MBD5: variants seen among roughly 807,000 people sequenced by gnomAD.
The protein encoded by MBD5 is methyl-CpG binding domain protein 5, also known as methyl-CpG-binding domain protein 5.
Under a neutral mutation model 117.3 loss-of-function variants are expected in MBD5, and 13 were observed. The observed-to-expected ratio is 0.11, with a 90% CI of 0.07 to 0.18. The LOEUF (loss-of-function observed/expected upper bound fraction) is 0.18. MBD5 is among the 10% of genes least tolerant of loss of function. MBD5 has a pLI of 1.00. For synonymous variants in MBD5, 727 were observed against 766.4 expected, an observed-to-expected ratio of 0.95 and a Z score of 0.85; for missense variants, 1,879 against 2,093.8, an observed-to-expected ratio of 0.90 and a Z score of 2.00.
At chr2:148,485,997 T>C in intron 10 of MBD5, 47 bp downstream of exon 10, 1 of 1,573,598 alleles carries the variant, frequency 6.4e-7, no homozygotes, top group African/African-American at 1.3e-5. Context: ...ATGTCTGAGT[T>C]TGTTTAAATA....
At chr2:148,405,501 A>G (rs1000653936) in intron 4 of MBD5, among the ~76,000 whole-genome samples, 2 of 151,966 alleles carry the variant, frequency 1.3e-5, no homozygotes, top group African/African-American at 4.8e-5. Context: ...GCAGAAGCCA[A>G]AAGTCAAGAA....
At chr2:148,093,610 A>G (rs1695994384) in intron 1 of MBD5, among the ~76,000 whole-genome samples, 1 of 152,188 alleles carries the variant, frequency 6.6e-6, no homozygotes, top group Admixed American at 6.5e-5. Flanking sequence ...GTGATCTTGT[A>G]CTTTAAATGC....
chr2:148,298,614 GT>G (rs1701710680), intron 3 of MBD5, among the ~76,000 whole-genome samples: 1 of 152,204 alleles, frequency 6.6e-6, no homozygotes, highest in Admixed American at 6.5e-5. Context: ...CCAGAAGTGA[GT>G]CTGGGCTATT....
At chr2:148,114,061 A>G (rs1241874284) in intron 1 of MBD5, among the ~76,000 whole-genome samples, 1 of 152,208 alleles carries the variant, frequency 6.6e-6, no homozygotes, top group Non-Finnish European at 1.5e-5. Flanking sequence ...ATGATTATTT[A>G]AACAGCTTCC....
intron 4 of MBD5, among the ~76,000 whole-genome samples, chr2:148,457,328 A>G (rs1449872581): frequency 6.6e-6 from 1 of 152,140 alleles, no homozygotes; most frequent in Non-Finnish European, 1.5e-5. Context: ...AGTTTCATGA[A>G]TCCCACAATG....
intron 1 of MBD5, among the ~76,000 whole-genome samples, chr2:148,170,315 T>C (rs1329819038): frequency 4.6e-5 from 7 of 152,252 alleles, no homozygotes; most frequent in Non-Finnish European, 5.9e-5. Context: ...TCTGAATTAG[T>C]ACTAAGTAAT....
intron 4 of MBD5, among the ~76,000 whole-genome samples, chr2:148,406,514 C>G (rs929321183): frequency 3.3e-5 from 5 of 152,152 alleles, no homozygotes; most frequent in African/African-American, 1.2e-4. Context: ...ATAAGAGATA[C>G]CTTCCTAAAG....
chr2:148,263,595 G>A (rs905708817), intron 3 of MBD5, among the ~76,000 whole-genome samples: 36 of 152,124 alleles, frequency 2.4e-4, no homozygotes, highest in African/African-American at 8.2e-4. Flanking sequence ...TTCAAAGACC[G>A]GAAAAGTGGA....
intron 3 of MBD5, among the ~76,000 whole-genome samples, chr2:148,319,745 T>A (rs949052599): frequency 3.2e-4 from 49 of 152,310 alleles, no homozygotes; most frequent in Non-Finnish European, 3.5e-4. Flanking sequence ...TACCTTTTAT[T>A]TTTCTATGTT....
At chr2:148,222,107 C>T (rs770939743) in intron 2 of MBD5, among the ~76,000 whole-genome samples, 1 of 151,984 alleles carries the variant, frequency 6.6e-6, no homozygotes, top group Non-Finnish European at 1.5e-5. Context: ...TATTCTGTTC[C>T]GTTGGTCTAC....
chr2:148,187,512 A>G (rs1698694835), intron 2 of MBD5, among the ~76,000 whole-genome samples: 1 of 152,190 alleles, frequency 6.6e-6, no homozygotes. Context: ...ACCAAAACAT[A>G]TCATTTCTGA....
At chr2:148,123,952 G>T (rs1487064690) in intron 1 of MBD5, among the ~76,000 whole-genome samples, 1 of 152,130 alleles carries the variant, frequency 6.6e-6, no homozygotes, top group African/African-American at 2.4e-5. Context: ...TTTTTTAAAA[G>T]AAACTTTAAT....
chr2:148,397,236 A>G (rs1197123824), intron 4 of MBD5, among the ~76,000 whole-genome samples: 1 of 151,550 alleles, frequency 6.6e-6, no homozygotes, highest in East Asian at 1.9e-4. Context: ...AACTGATCAT[A>G]TGGTCAACGT....
At chr2:148,094,170 G>A (rs1696007298) in intron 1 of MBD5, among the ~76,000 whole-genome samples, 1 of 152,132 alleles carries the variant, frequency 6.6e-6, no homozygotes, top group African/African-American at 2.4e-5. Context: ...CTAACTGAAT[G>A]TATATTGTTA....
intron 1 of MBD5, among the ~76,000 whole-genome samples, chr2:148,058,912 T>G (rs532930757): frequency 2.6e-5 from 4 of 152,340 alleles, no homozygotes; most frequent in Admixed American, 2.6e-4. Flanking sequence ...TCAGAACTTC[T>G]TTTGGCTATC....
chr2:148,195,663 A>G (rs893877976), intron 2 of MBD5, among the ~76,000 whole-genome samples: 2 of 152,184 alleles, frequency 1.3e-5, no homozygotes, highest in Admixed American at 6.5e-5. Context: ...ATGAAAATCA[A>G]TAAATTTTTA....
chr2:148,182,475 A>G (rs1161458727), intron 2 of MBD5, among the ~76,000 whole-genome samples: 1 of 152,154 alleles, frequency 6.6e-6, no homozygotes, highest in Non-Finnish European at 1.5e-5. Context: ...CTATATTTTT[A>G]AGTTAAATGC....
At chr2:148,496,156 T>G (rs796934124) in intron 11 of MBD5, among the ~76,000 whole-genome samples, 18 of 152,310 alleles carry the variant, frequency 1.2e-4, no homozygotes, top group African/African-American at 3.8e-4. Context: ...CTCTCTACCA[T>G]AGCATCCACA....
intron 3 of MBD5, chr2:148,243,713 G>A (rs1330288837): frequency 3.3e-5 from 5 of 151,976 alleles, no homozygotes; most frequent in Non-Finnish European, 7.4e-5. Flanking sequence ...ATATTTAGCA[G>A]TGTATATTGA....
Sources: gnomAD v4.1 joint callset for allele counts (sites outside exome capture counted in the v4.1 genomes callset) on GRCh38, gnomAD v4.1.1 for gene constraint, MANE v1.5 for transcripts, NCBI Gene and HGNC (gene_info 2026-07-23, HGNC 2026-07-21) for gene names.